SLC47A2: variants seen among roughly 807,000 people sequenced by gnomAD.
SLC47A2 encodes multidrug and toxin extrusion protein 2.
In SLC47A2, 52 loss-of-function variants were observed where a neutral mutation model predicts 67.7. The ratio of observed to expected loss-of-function variants is 0.77; its 90% confidence interval spans 0.61 to 0.97. The LOEUF (loss-of-function observed/expected upper bound fraction) is 0.97, where lower values mean the gene tolerates loss of function less well. SLC47A2 is among the 50% of genes least tolerant of loss of function. The probability of loss-of-function intolerance (pLI) is 0.00; values close to 1 mark genes in which losing one functional copy is unlikely to be tolerated. For missense variants in SLC47A2, 676 were observed against 712.3 expected, an observed-to-expected ratio of 0.95 and a Z score of 0.58; for synonymous variants, 278 against 292.9, an observed-to-expected ratio of 0.95 and a Z score of 0.52.
chr17:19,703,140 AG>A lies in SLC47A2; in HGVS notation c.1045del (p.Leu349Ter). 6.2e-7 allele frequency: 1 copy of A among 1,614,138 alleles called. No homozygotes were observed. The highest frequency in any genetic ancestry group is 8.5e-7 in the Non-Finnish European group (1 of 1,180,016). On this transcript the variant is annotated frameshift_variant, in exon 12 of 17. Coordinates refer to ENST00000433844, the MANE Select transcript of SLC47A2 (RefSeq NM_001099646.3). LOFTEE classifies it high-confidence loss of function. ...CAGCTGATTTTTCAGGATGCTTATCAGGGTGCCCAGGACCAGGGAAATGCCA... is the reference window on the plus strand; with the variant it reads ...CAGCTGATTTTTCAGGATGCTTATCAGGTGCCCAGGACCAGGGAAATGCCA... The part of the protein sequence containing the change: ...IVGISLVLGT[L>X]ISILKNQLGH...
At chr17:19,699,418 T>C (rs1196602687) in intron 13 of SLC47A2, among the ~76,000 whole-genome samples, 1 of 152,180 alleles carries the variant, frequency 6.6e-6, no homozygotes, top group East Asian at 1.9e-4. Flanking sequence ...TCTCACTCTG[T>C]TGCCCAGGCT....
rs376857912 is a variant in SLC47A2 at position 19,714,745 on chromosome 17, C to T, written c.270G>A (p.Ser90=). ...CCTGAGACATCAAGGTGTCACATGC[C>T]GAAGACAAACCAACTCCTACAGAAA... ...CGVSVGVGLS[S]ACDTLMSQSF... Residue 90 remains serine (S), a synonymous_variant, in exon 3 of 17, where the codon TCG becomes TCA. Transcript: ENST00000433844. 16 of 1,613,978 alleles carry T rather than the reference C, an allele frequency of 9.9e-6. No individual in the cohort carries two copies. The highest frequency in any genetic ancestry group is 8.0e-5 in the African/African-American group (6 of 74,930).
intron 13 of SLC47A2, among the ~76,000 whole-genome samples, chr17:19,697,109 G>T (rs1007160460): frequency 2.0e-5 from 3 of 152,112 alleles, no homozygotes; most frequent in Admixed American, 6.5e-5. Context: ...GGCTAACACG[G>T]TGAAACCCTG....
chr17:19,692,033 G>A (rs1035265396), intron 13 of SLC47A2, among the ~76,000 whole-genome samples: 1 of 152,110 alleles, frequency 6.6e-6, no homozygotes. Context: ...TTCGAGACCA[G>A]CCTGGCCAAC....
rs2086270915 is a variant in SLC47A2, at chr17:19,716,477, A to G, written c.79T>C (p.Phe27Leu). The change falls in exon 1 of 17, where the codon TTT becomes CTT. Residue 27 changes from phenylalanine (F) to leucine (L), a missense_variant. Physicochemically the swap from Phe to Leu is conservative, Grantham distance 22. Coordinates refer to ENST00000433844, the MANE Select transcript of SLC47A2 (RefSeq NM_001099646.3). Reference protein sequence around the residue: ...PALSRLVPRGFGTEMWTLFAL... With the variant: ...PALSRLVPRGLGTEMWTLFAL... Reference sequence around the variant, plus strand: ...AAGAGAGTCCACATCTCAGTCCCAAAGCCTCTGGGAACCAGCCTGCTGAGG... The same window carrying G: ...AAGAGAGTCCACATCTCAGTCCCAAGGCCTCTGGGAACCAGCCTGCTGAGG... 1.2e-6 allele frequency: 2 copies of G among 1,612,586 alleles called. No individual in the cohort carries two copies. Among genetic ancestry groups the G allele is most frequent in the African/African-American group, 2.7e-5 (2 of 74,898 alleles).
At chr17:19,703,013 G>T in intron 12 of SLC47A2, 79 bp downstream of exon 12, 1 of 1,468,066 alleles carries the variant, frequency 6.8e-7, no homozygotes, top group Non-Finnish European at 9.5e-7. Context: ...CACTGAGCCA[G>T]GAATGTGATA....
chr17:19,685,479 G>A lies in SLC47A2; in HGVS notation c.1165-3809C>T, dbSNP rs950799850. Reference sequence around the variant, plus strand: ...CCGCCCCGTCTGGGAAGTGAGGAGTGCCTCTGCCCAGTCGCCCCATCTGGG... The same window carrying A: ...CCGCCCCGTCTGGGAAGTGAGGAGTACCTCTGCCCAGTCGCCCCATCTGGG... On this transcript the variant is annotated intron_variant, in intron 13 of 16. Transcript: ENST00000433844. The surrounding 1 kb of genome is among the most constrained non-coding windows in gnomAD (Gnocchi z 4.5). 2.6e-5 allele frequency among the ~76,000 whole-genome samples: 4 copies of A among 151,288 alleles called. No individual in the cohort carries two copies. The highest frequency in any genetic ancestry group is 9.7e-5 in the African/African-American group (4 of 41,150).
In SLC47A2 at chr17:19,681,348, G is replaced by A. The variant is rs758939432; in HGVS notation, c.1392+19C>T. 1.3e-6 allele frequency: 2 copies of A among 1,577,936 alleles called. No individual in the cohort carries two copies. Among genetic ancestry groups the A allele is most frequent in the Non-Finnish European group, 1.7e-6 (2 of 1,160,414 alleles). On this transcript the variant is annotated intron_variant, in intron 15 of 16. Coordinates refer to ENST00000433844, the MANE Select transcript of SLC47A2 (RefSeq NM_001099646.3). ...CAGGTGCAGGGTGTCTTGTGGCCAG[G>A]GTCAGCTGACCCACTTACCTCCTCT... is the stretch of plus-strand genomic sequence containing the variant.
intron 16 of SLC47A2, among the ~76,000 whole-genome samples, chr17:19,679,242 C>T (rs1255201798): frequency 6.6e-6 from 1 of 152,222 alleles, no homozygotes; most frequent in Admixed American, 6.5e-5. Context: ...TTACCGTATT[C>T]TCTCATGACA....
At chr17:19,712,160 C>T (rs2086117964) in intron 5 of SLC47A2, among the ~76,000 whole-genome samples, 1 of 152,070 alleles carries the variant, frequency 6.6e-6, no homozygotes, top group Admixed American at 6.6e-5. Flanking sequence ...GCCGAGGTGG[C>T]AGATCACTTG....
At chr17:19,690,846 C>T (rs555745205) in intron 13 of SLC47A2, among the ~76,000 whole-genome samples, 6 of 151,822 alleles carry the variant, frequency 4.0e-5, no homozygotes, top group East Asian at 3.9e-4. Context: ...TGGCCGGGCA[C>T]GGTGGCTCAC....
intron 13 of SLC47A2, among the ~76,000 whole-genome samples, chr17:19,693,150 C>T (rs117392257): frequency 0.023 from 3,471 of 152,016 alleles, 71 homozygotes; most frequent in African/African-American, 0.052. Flanking sequence ...AGGTTTATCC[C>T]AGAAATGCAA....
intron 13 of SLC47A2, among the ~76,000 whole-genome samples, chr17:19,682,553 C>T (rs1251446714): frequency 1.3e-5 from 2 of 152,162 alleles, no homozygotes; most frequent in African/African-American, 4.8e-5. Flanking sequence ...TGCTTCCAGC[C>T]TCACATCTCC....
At chr17:19,679,865 T>A in intron 16 of SLC47A2, 87 bp downstream of exon 16, 1 of 1,319,064 alleles carries the variant, frequency 7.6e-7, no homozygotes, top group Non-Finnish European at 1.0e-6. Flanking sequence ...CAATTTCCAA[T>A]TGCATGAGGC....
intron 4 of SLC47A2, among the ~76,000 whole-genome samples, chr17:19,713,012 A>G: frequency 6.6e-6 from 1 of 152,230 alleles, no homozygotes; most frequent in East Asian, 1.9e-4. Flanking sequence ...GTTATATCTT[A>G]AAAAGGAATA....
intron 13 of SLC47A2, among the ~76,000 whole-genome samples, chr17:19,696,750 T>C (rs1243420500): frequency 2.0e-5 from 3 of 152,232 alleles, no homozygotes; most frequent in Non-Finnish European, 2.9e-5. Flanking sequence ...GCTAGTGTCT[T>C]AGTCCATTTT....
rs2085279722 is a variant in SLC47A2, at chr17:19,680,034, C to G, written c.1398G>C (p.Lys466Asn). The part of the protein sequence containing the change: ...LDWKLAAEEA[K>N]KHSGRQQQQR... ...GCTGCTGCTGCCGGCCTGAATGTTT[C>G]TTAGCCTAAAGGAGAAAGAACTCAA... The change falls in exon 16 of 17, where the codon AAG (lysine) becomes AAC (asparagine). Residue 466 changes from lysine to asparagine, a missense_variant. Coordinates refer to ENST00000433844, the MANE Select transcript of SLC47A2 (RefSeq NM_001099646.3). The G allele has an allele frequency of 6.2e-7, 1 of 1,613,782 alleles. No individual in the cohort carries two copies. Among genetic ancestry groups the G allele is most frequent in the East Asian group, 2.2e-5 (1 of 44,886 alleles).
intron 1 of SLC47A2, among the ~76,000 whole-genome samples, chr17:19,715,487 G>A (rs2086230006): frequency 1.3e-5 from 2 of 152,178 alleles, no homozygotes; most frequent in East Asian, 3.9e-4. Context: ...TGACCCAAGT[G>A]TCTGATACTG....
At chr17:19,688,791 C>CAAAT (rs1351788450) in intron 13 of SLC47A2, among the ~76,000 whole-genome samples, 1 of 151,602 alleles carries the variant, frequency 6.6e-6, no homozygotes, top group Non-Finnish European at 1.5e-5. Flanking sequence ...CTCCTGACTT[C>CAAAT]AAATGATCTG....
Sources: gnomAD v4.1 joint callset for allele counts (sites outside exome capture counted in the v4.1 genomes callset) on GRCh38, gnomAD v4.1.1 for gene constraint, Gnocchi (gnomAD v3.1) non-coding constraint, MANE v1.5 for transcripts, NCBI Gene and HGNC (gene_info 2026-07-23, HGNC 2026-07-21) for gene names.